ARL15: variants seen among roughly 807,000 people sequenced by gnomAD.
The protein encoded by ARL15 is ADP-ribosylation factor-like protein 15.
A neutral mutation model predicts 25.2 loss-of-function variants in ARL15; 19 were observed. The ratio of observed to expected loss-of-function variants is 0.75; its 90% CI spans 0.53 to 1.10. The LOEUF is 1.10. ARL15 is among the 50% of genes least tolerant of loss of function. The probability of loss-of-function intolerance (pLI) is 0.00; values close to 1 mark genes in which losing one functional copy is unlikely to be tolerated. For missense variants in ARL15, 220 were observed against 246.0 expected, an observed-to-expected ratio of 0.89 and a Z score of 0.71; for synonymous variants, 94 against 86.8, an observed-to-expected ratio of 1.08 and a Z score of -0.46.
At chr5:54,167,116 G>A (rs771943942) in intron 2 of ARL15, among the ~76,000 whole-genome samples, 1 of 152,168 alleles carries the variant, frequency 6.6e-6, no homozygotes, top group Non-Finnish European at 1.5e-5. Flanking sequence ...TACAGGCATA[G>A]TTTTCAACCC....
intron 4 of ARL15, among the ~76,000 whole-genome samples, chr5:53,933,003 G>A (rs11738715): frequency 0.052 from 7,882 of 152,312 alleles, 268 homozygotes; most frequent in Middle Eastern, 0.085. Context: ...GCATGAAAAT[G>A]TAAGGCCATA....
At chr5:54,307,739 C>T (rs1007615014) in intron 1 of ARL15, 1 of 152,222 alleles carries the variant, frequency 6.6e-6, no homozygotes, top group African/African-American at 2.4e-5. Context: ...TGACGACATC[C>T]AGCCCAAAGA....
chr5:54,043,534 G>A (rs1366980642), intron 4 of ARL15, among the ~76,000 whole-genome samples: 1 of 152,030 alleles, frequency 6.6e-6, no homozygotes, highest in African/African-American at 2.4e-5. Flanking sequence ...TCAATGAGAT[G>A]GGTAAAGGCT....
intron 1 of ARL15, among the ~76,000 whole-genome samples, chr5:54,195,605 A>G (rs1394093641): frequency 1.3e-5 from 2 of 152,178 alleles, no homozygotes; most frequent in African/African-American, 2.4e-5. Context: ...CCTGTAATGA[A>G]TAAGTTGATC....
At chr5:54,188,437 C>T (rs1461802524) in intron 1 of ARL15, among the ~76,000 whole-genome samples, 1 of 152,138 alleles carries the variant, frequency 6.6e-6, no homozygotes, top group Non-Finnish European at 1.5e-5. Context: ...CTCCCCATGG[C>T]TCTTCACAAG....
intron 1 of ARL15, among the ~76,000 whole-genome samples, chr5:54,198,990 C>A (rs1755636227): frequency 6.6e-6 from 1 of 151,634 alleles, no homozygotes. Flanking sequence ...AGAAATAATG[C>A]CACATATCTA....
At chr5:54,214,985 G>A (rs543818055) in intron 1 of ARL15, among the ~76,000 whole-genome samples, 76 of 152,104 alleles carry the variant, frequency 5.0e-4, no homozygotes, top group Non-Finnish European at 9.3e-4. Flanking sequence ...AACATGAAAG[G>A]GCAAAATCTG....
At chr5:54,011,854 C>T (rs532182318) in intron 4 of ARL15, among the ~76,000 whole-genome samples, 20 of 152,120 alleles carry the variant, frequency 1.3e-4, no homozygotes, top group South Asian at 4.2e-4. Flanking sequence ...ACTAAAAATA[C>T]AAAAATTAGC....
chr5:53,977,668 A>G (rs1263364432), intron 4 of ARL15, among the ~76,000 whole-genome samples: 1 of 152,242 alleles, frequency 6.6e-6, no homozygotes, highest in Non-Finnish European at 1.5e-5. Flanking sequence ...GAAAGATACC[A>G]GCACAAAATG....
intron 4 of ARL15, among the ~76,000 whole-genome samples, chr5:54,065,374 G>A (rs1051970525): frequency 2.6e-5 from 4 of 152,152 alleles, no homozygotes; most frequent in Admixed American, 2.6e-4. Context: ...GGTCCAAACT[G>A]AGATGTCCTG....
intron 4 of ARL15, among the ~76,000 whole-genome samples, chr5:54,103,406 C>T (rs1391277775): frequency 6.6e-6 from 1 of 152,040 alleles, no homozygotes; most frequent in East Asian, 1.9e-4. Context: ...CTCAAAACTA[C>T]TAGATAACCT....
At chr5:54,297,139 C>T (rs1230501898) in intron 1 of ARL15, among the ~76,000 whole-genome samples, 1 of 152,164 alleles carries the variant, frequency 6.6e-6, no homozygotes, top group African/African-American at 2.4e-5. Flanking sequence ...GTAAGACTCT[C>T]GGCCTATTTT....
At chr5:54,197,130 T>A (rs1755572891) in intron 1 of ARL15, among the ~76,000 whole-genome samples, 1 of 152,142 alleles carries the variant, frequency 6.6e-6, no homozygotes, top group Non-Finnish European at 1.5e-5. Context: ...TTTGTTTTTT[T>A]TTTATTTTTT....
chr5:54,069,250 T>A (rs754262135), intron 4 of ARL15, among the ~76,000 whole-genome samples: 7 of 152,028 alleles, frequency 4.6e-5, no homozygotes, highest in Non-Finnish European at 8.8e-5. Flanking sequence ...ATGGTTTGAA[T>A]CTTTGTCCCC....
At position 54,154,654 on chromosome 5, in the gene ARL15, C is replaced by A; in HGVS notation, c.194-15G>T. On this transcript the variant is annotated splice_polypyrimidine_tract_variant and intron_variant, in intron 2 of 4. Transcript: ENST00000504924. ...AATACTAAAACCTAAAATTAGAAAA[C>A]AAAAACATAAAAAAAGAATTAGCAA... The A allele has an allele frequency of 1.4e-6, 2 of 1,471,956 alleles. No individual in the cohort carries two copies. Among genetic ancestry groups the A allele is most frequent in the South Asian group, 1.3e-5 (1 of 74,204 alleles). The allele number at this position is 1,471,956 out of a possible 1,614,324, so 91.2% of individuals were successfully genotyped here.
chr5:54,147,096 T>G (rs1454321953), intron 3 of ARL15, among the ~76,000 whole-genome samples: 1 of 152,164 alleles, frequency 6.6e-6, no homozygotes, highest in Non-Finnish European at 1.5e-5. Context: ...TCCAAGTGAC[T>G]TGGCTTTATA....
chr5:54,038,729 T>C (rs1750244859), intron 4 of ARL15, among the ~76,000 whole-genome samples: 2 of 151,930 alleles, frequency 1.3e-5, no homozygotes, highest in South Asian at 4.1e-4. Context: ...TGTAAACATA[T>C]ATATATATAT....
At chr5:54,268,599 C>T (rs1757693469) in intron 1 of ARL15, among the ~76,000 whole-genome samples, 1 of 152,224 alleles carries the variant, frequency 6.6e-6, no homozygotes, top group African/African-American at 2.4e-5. Flanking sequence ...TTTGTGGTTT[C>T]ATCTACTTTT....
At chr5:54,222,049 G>C (rs1278865986) in intron 1 of ARL15, among the ~76,000 whole-genome samples, 1 of 152,122 alleles carries the variant, frequency 6.6e-6, no homozygotes, top group African/African-American at 2.4e-5. Flanking sequence ...AAATACTAGA[G>C]GATGGAAAGT....
Sources: gnomAD v4.1 joint callset for allele counts (sites outside exome capture counted in the v4.1 genomes callset) on GRCh38, gnomAD v4.1.1 for gene constraint, MANE v1.5 for transcripts, NCBI Gene and HGNC (gene_info 2026-07-23, HGNC 2026-07-21) for gene names.